TMEFF2: variants seen among roughly 807,000 people sequenced by gnomAD.
TMEFF2 encodes transmembrane protein with EGF like and two follistatin like domains 2.
A neutral mutation model predicts 53.8 loss-of-function variants in TMEFF2; 28 were observed. That is an observed-to-expected ratio of 0.52 (90% CI 0.39 to 0.71). TMEFF2 has a LOEUF of 0.71. Ranked by LOEUF, TMEFF2 falls within the 30% of genes least tolerant of loss-of-function variation. The probability of loss-of-function intolerance (pLI) is 0.00; values close to 1 mark genes in which losing one functional copy is unlikely to be tolerated. For missense variants in TMEFF2, 353 were observed against 455.2 expected (o/e 0.78, Z 2.04); for synonymous variants, 162 against 166.3 (o/e 0.97, Z 0.20).
chr2:191,950,104 A>G lies in TMEFF2; in HGVS notation c.*207T>C. On this transcript the variant is annotated 3_prime_UTR_variant, in exon 10 of 10. Coordinates refer to ENST00000272771, the MANE Select transcript of TMEFF2 (RefSeq NM_016192.4). ...TGTGTGATATAAATAGTTTATTTAC[A>G]TTACAGAAAAAACATCAAGACAATG... The G allele has an allele frequency of 7.6e-7, 1 of 1,318,290 alleles. No homozygotes were observed. The highest frequency in any genetic ancestry group is 9.7e-7 in the Non-Finnish European group (1 of 1,030,970). 81.7% of individuals were successfully genotyped at this position (1,318,290 alleles called of 1,614,324 possible).
At chr2:192,094,356 C>T (rs1238522560) in intron 4 of TMEFF2, among the ~76,000 whole-genome samples, 4 of 152,112 alleles carry the variant, frequency 2.6e-5, no homozygotes, top group Non-Finnish European at 4.4e-5. Flanking sequence ...TTGTATTCCA[C>T]GTGATGTACA....
chr2:192,146,651 GTA>G (rs922583953), intron 4 of TMEFF2, among the ~76,000 whole-genome samples: 3 of 152,002 alleles, frequency 2.0e-5, no homozygotes, highest in Non-Finnish European at 4.4e-5. Context: ...TAGTGTGTGT[GTA>G]TGTGTGTGTG....
In TMEFF2 at chr2:192,110,864, T is replaced by TC. The variant is rs113047409; in HGVS notation, c.440-53090dup. 7.5e-3 allele frequency among the ~76,000 whole-genome samples: 1,146 copies of TC among 152,244 alleles called. 23 individuals carry two copies. Among genetic ancestry groups the TC allele is most frequent in the Middle Eastern group, 0.031 (9 of 294 alleles). On this transcript the variant is annotated intron_variant, in intron 4 of 9. Transcript: ENST00000272771. ...AGATAACTGAATCATGGGGGCAGTTTCCCCCATATACTGTTCTCATGGTAC... is the reference window on the plus strand; with the variant it reads ...AGATAACTGAATCATGGGGGCAGTTTCCCCCCATATACTGTTCTCATGGTAC...
intron 5 of TMEFF2, among the ~76,000 whole-genome samples, chr2:192,023,006 CT>C (rs201707338): frequency 2.6e-5 from 4 of 151,278 alleles, no homozygotes; most frequent in Admixed American, 6.6e-5. Context: ...ATTTTTTTAT[CT>C]TTTTTTTTAC....
chr2:192,043,166 A>G (rs531555263), intron 5 of TMEFF2, among the ~76,000 whole-genome samples: 2 of 152,312 alleles, frequency 1.3e-5, no homozygotes, highest in South Asian at 2.1e-4. Flanking sequence ...TTTTAGGATC[A>G]TGGTGTTCCT....
At chr2:192,032,278 A>C (rs1055173910) in intron 5 of TMEFF2, 1 of 151,630 alleles carries the variant, frequency 6.6e-6, no homozygotes, top group African/African-American at 2.4e-5. Flanking sequence ...CATTTAAAAC[A>C]GACTCAGCCT....
intron 4 of TMEFF2, chr2:192,177,111 T>C (rs1403617540): frequency 6.6e-6 from 1 of 151,274 alleles, no homozygotes; most frequent in Non-Finnish European, 1.5e-5. Context: ...AGAGATTAGT[T>C]AGAACAATCA....
intron 4 of TMEFF2, among the ~76,000 whole-genome samples, chr2:192,072,433 A>G: frequency 6.6e-6 from 1 of 151,888 alleles, no homozygotes; most frequent in Non-Finnish European, 1.5e-5. Flanking sequence ...CAAAAGGGGA[A>G]AAAAAAGCAA....
intron 5 of TMEFF2, among the ~76,000 whole-genome samples, chr2:192,025,983 T>C (rs1686962418): frequency 3.3e-5 from 5 of 152,152 alleles, no homozygotes; most frequent in Admixed American, 3.3e-4. Context: ...ACATAAAACA[T>C]GATAAAAAGA....
At chr2:191,962,291 A>G (rs1443551524) in intron 7 of TMEFF2, among the ~76,000 whole-genome samples, 2 of 152,232 alleles carry the variant, frequency 1.3e-5, no homozygotes, top group Admixed American at 6.5e-5. Flanking sequence ...ATTCCTCTTC[A>G]TTCCACCATT....
In TMEFF2 at chr2:192,117,483, G is replaced by A. The variant is rs137888185; in HGVS notation, c.440-59708C>T. Among the ~76,000 whole-genome samples, 654 of 152,192 alleles carry A rather than the reference G, an allele frequency of 4.3e-3. 4 individuals are homozygous for A. The highest frequency in any genetic ancestry group is 0.028 in the East Asian group (146 of 5,170). ...ACACTGGGGAAAGGAAAAACAATGA[G>A]TGAGAAGTACTTAAGTTAAAAAGAA... On this transcript the variant is annotated intron_variant, in intron 4 of 9. Transcript: ENST00000272771.
intron 4 of TMEFF2, among the ~76,000 whole-genome samples, chr2:192,117,608 T>G (rs1230956814): frequency 6.6e-6 from 1 of 152,022 alleles, no homozygotes; most frequent in Non-Finnish European, 1.5e-5. Flanking sequence ...AAATGAAAAC[T>G]CCAACTTTCC....
rs371385279 is a variant in TMEFF2, at chr2:191,960,137, T to C, written c.746-3759A>G. 2.0e-3 allele frequency among the ~76,000 whole-genome samples: 307 copies of C among 152,284 alleles called. 20 individuals are homozygous for C. In the South Asian group the frequency reaches 0.061, roughly 30 times the overall value. The stretch of plus-strand genomic sequence containing the variant: ...ATCCACCTGCCTCAGCCTCCCAAAG[T>C]GCTGGGATTACAGTCGTGAGTCACT... On this transcript the variant is annotated intron_variant, in intron 7 of 9. Transcript: ENST00000272771.
intron 4 of TMEFF2, among the ~76,000 whole-genome samples, chr2:192,120,792 A>G (rs1689532579): frequency 6.6e-6 from 1 of 151,764 alleles, no homozygotes; most frequent in Admixed American, 6.6e-5. Context: ...GCTGGAGTGC[A>G]ATGGCACAAT....
Position 192,057,782 on chromosome 2 carries a change from G to C in TMEFF2, c.440-7C>G, listed in dbSNP as rs1687947603. 6.2e-7 allele frequency: 1 copy of C among 1,609,596 alleles called. No individual in the cohort carries two copies. The highest frequency in any genetic ancestry group is 8.5e-7 in the Non-Finnish European group (1 of 1,176,008). ...TCTCCAGAGCCTTCATGGACTGTAG[G>C]ACAGAAAAACAGTAAAAGGAATTCA... On this transcript the variant is annotated splice_polypyrimidine_tract_variant and splice_region_variant and intron_variant, in intron 4 of 9. Coordinates refer to ENST00000272771, the MANE Select transcript of TMEFF2 (RefSeq NM_016192.4).
At chr2:191,975,265 C>CT (rs57057771) in intron 7 of TMEFF2, among the ~76,000 whole-genome samples, 52,600 of 86,766 alleles carry the variant, frequency 0.61, 15,822 homozygotes, top group East Asian at 0.8. Flanking sequence ...TCTTTTTCTT[C>CT]TTTTTTTTTT....
intron 5 of TMEFF2, among the ~76,000 whole-genome samples, chr2:192,005,449 G>A (rs529703120): frequency 1.3e-4 from 20 of 152,280 alleles, no homozygotes; most frequent in African/African-American, 4.6e-4. Context: ...CATGTGTCTG[G>A]TTTGTGGCTG....
At chr2:191,954,753 A>G (rs1033077684) in intron 8 of TMEFF2, among the ~76,000 whole-genome samples, 1 of 152,204 alleles carries the variant, frequency 6.6e-6, no homozygotes, top group African/African-American at 2.4e-5. Context: ...AAACAAGACG[A>G]GGTATTGTTC....
At chr2:192,070,041 T>C (rs1181700551) in intron 4 of TMEFF2, among the ~76,000 whole-genome samples, 2 of 93,370 alleles carry the variant, frequency 2.1e-5, no homozygotes, top group Admixed American at 1.2e-4. Flanking sequence ...TATATATATA[T>C]ATGTCTTCAC....
Sources: allele counts gnomAD v4.1 joint callset (sites outside exome capture counted in the v4.1 genomes callset), GRCh38; gene constraint gnomAD v4.1.1; transcripts MANE v1.5; gene names NCBI Gene and HGNC (gene_info 2026-07-23, HGNC 2026-07-21).